Variants in CDH18 observed in about 807,000 individuals in gnomAD.
CDH18 encodes cadherin-18.
A neutral mutation model predicts 67.9 loss-of-function variants in CDH18; 31 were observed. That is an observed-to-expected ratio of 0.46 (90% CI 0.34 to 0.62). The LOEUF is 0.62. Among genes scored for constraint, CDH18 ranks in the 20% least tolerant of loss-of-function variants. The pLI, the probability that CDH18 is intolerant of heterozygous loss-of-function variation, is 0.01. For missense variants in CDH18, 890 were observed against 975.5 expected, an observed-to-expected ratio of 0.91 and a Z score of 1.17; for synonymous variants, 362 against 347.2, an observed-to-expected ratio of 1.04 and a Z score of -0.48.
intron 2 of CDH18, among the ~76,000 whole-genome samples, chr5:20,212,030 T>C (rs2126386663): frequency 6.6e-6 from 1 of 152,072 alleles, no homozygotes; most frequent in African/African-American, 2.4e-5. Flanking sequence ...GCTAAAAACC[T>C]TGGAAAAAGA....
chr5:19,502,742 T>C (rs944646969), intron 11 of CDH18: 5 of 475,984 alleles, frequency 1.1e-5, no homozygotes, highest in Non-Finnish European at 1.8e-5. Context: ...TCTCTTAAAA[T>C]TTGCCCAAGA....
At chr5:19,916,768 G>A (rs150012312) in intron 2 of CDH18, among the ~76,000 whole-genome samples, 315 of 152,172 alleles carry the variant, frequency 2.1e-3, no homozygotes, top group African/African-American at 3.8e-3. Flanking sequence ...TGTGAAGGGC[G>A]TTTAATTTTT....
chr5:19,656,799 A>T (rs1032926756), intron 5 of CDH18, among the ~76,000 whole-genome samples: 3 of 152,002 alleles, frequency 2.0e-5, no homozygotes, highest in African/African-American at 7.2e-5. Flanking sequence ...GCCCAGTGCT[A>T]GGTTAAATTC....
At chr5:19,503,168 ATTACACTGTATT>A (rs1403354310) in intron 10 of CDH18, 59 bp from the exon 11 acceptor site, 1 of 795,638 alleles carries the variant, frequency 1.3e-6, no homozygotes, top group African/African-American at 1.7e-5. Flanking sequence ...CTTGATTTTA[ATTACACTGTATT>A]ATTTCTGTTT....
At chr5:19,581,578 CCTAA>C in intron 7 of CDH18, among the ~76,000 whole-genome samples, 1 of 152,062 alleles carries the variant, frequency 6.6e-6, no homozygotes, top group South Asian at 2.1e-4. Context: ...ATTCTATTCT[CCTAA>C]CTAATAAGAG....
chr5:19,680,469 TAAAC>T (rs934687865), intron 5 of CDH18, among the ~76,000 whole-genome samples: 2 of 151,872 alleles, frequency 1.3e-5, no homozygotes, highest in African/African-American at 4.8e-5. Context: ...CAAAACAAAA[TAAAC>T]AGAGTAAACA....
intron 1 of CDH18, among the ~76,000 whole-genome samples, chr5:20,471,853 C>CAAAAAAAAAA (rs1554005562): frequency 2.8e-4 from 16 of 56,478 alleles, no homozygotes; most frequent in Non-Finnish European, 5.5e-4. Context: ...AAAAAAAAAG[C>CAAAAAAAAAA]AAAAGCATTG....
chr5:20,282,236 A>G (rs1270029834), intron 1 of CDH18, among the ~76,000 whole-genome samples: 1 of 152,172 alleles, frequency 6.6e-6, no homozygotes, highest in Non-Finnish European at 1.5e-5. Flanking sequence ...CCTGGCCAGA[A>G]CTTCCAACAC....
At chr5:20,405,588 G>A (rs1412557919) in intron 1 of CDH18, among the ~76,000 whole-genome samples, 4 of 152,092 alleles carry the variant, frequency 2.6e-5, no homozygotes, top group Non-Finnish European at 4.4e-5. Flanking sequence ...TTGACAAATG[G>A]GATCTAAGTA....
chr5:20,179,064 T>C (rs1355607529), intron 2 of CDH18, among the ~76,000 whole-genome samples: 3 of 152,208 alleles, frequency 2.0e-5, no homozygotes, highest in South Asian at 2.1e-4. Flanking sequence ...AAATGTATAG[T>C]AGAGTGAGTT....
chr5:19,877,439 T>G (rs948963364), intron 2 of CDH18, among the ~76,000 whole-genome samples: 1 of 152,074 alleles, frequency 6.6e-6, no homozygotes, highest in Non-Finnish European at 1.5e-5. Flanking sequence ...AATACGAGGA[T>G]AGTCATAAAG....
chr5:19,881,306 T>C (rs1474705737), intron 2 of CDH18, among the ~76,000 whole-genome samples: 4 of 152,124 alleles, frequency 2.6e-5, no homozygotes, highest in African/African-American at 9.7e-5. Context: ...TGATTAAAGG[T>C]CAATACTCTG....
chr5:19,514,256 T>G (rs975829931), intron 10 of CDH18, among the ~76,000 whole-genome samples: 1 of 152,214 alleles, frequency 6.6e-6, no homozygotes, highest in Non-Finnish European at 1.5e-5. Context: ...TGATGGACAT[T>G]TGGGTTGGTT....
At chr5:19,550,810 C>T (rs2127140500) in intron 8 of CDH18, among the ~76,000 whole-genome samples, 1 of 152,204 alleles carries the variant, frequency 6.6e-6, no homozygotes, top group South Asian at 2.1e-4. Context: ...AATGGTATTT[C>T]TAGTTCTAGA....
intron 4 of CDH18, among the ~76,000 whole-genome samples, chr5:19,725,012 C>T (rs915119556): frequency 4.0e-5 from 6 of 151,446 alleles, no homozygotes; most frequent in African/African-American, 9.7e-5. Flanking sequence ...CTGCAAGCTC[C>T]GCCTCCTGGG....
intron 2 of CDH18, among the ~76,000 whole-genome samples, chr5:19,955,472 C>T (rs1247604616): frequency 6.6e-6 from 1 of 151,812 alleles, no homozygotes; most frequent in Non-Finnish European, 1.5e-5. Context: ...AATTTTATTC[C>T]CTTCCCTGTA....
chr5:19,934,905 G>T (rs570459591), intron 2 of CDH18, among the ~76,000 whole-genome samples: 7 of 151,220 alleles, frequency 4.6e-5, no homozygotes, highest in Non-Finnish European at 7.4e-5. Flanking sequence ...AATAAACCCA[G>T]ATAAAAAGAG....
At chr5:19,692,126 A>G (rs1209819227) in intron 5 of CDH18, among the ~76,000 whole-genome samples, 2 of 152,022 alleles carry the variant, frequency 1.3e-5, no homozygotes, top group African/African-American at 4.8e-5. Context: ...GAACACTGAT[A>G]GAGGGAAAGG....
chr5:20,571,344 G>A (rs1758808217), intron 1 of CDH18, among the ~76,000 whole-genome samples: 1 of 151,958 alleles, frequency 6.6e-6, no homozygotes, highest in South Asian at 2.1e-4. Flanking sequence ...CCATTTCTGT[G>A]CTACTTTAAT....
Sources: allele counts gnomAD v4.1 joint callset (sites outside exome capture counted in the v4.1 genomes callset), GRCh38; gene constraint gnomAD v4.1.1; transcripts MANE v1.5; gene names NCBI Gene and HGNC (gene_info 2026-07-23, HGNC 2026-07-21).